The following BAALC variants were observed in gnomAD, a reference collection of about 807,000 sequenced individuals.
BAALC encodes brain and acute leukemia cytoplasmic protein.
In BAALC, 9 loss-of-function variants were observed where a neutral mutation model predicts 15.5. The ratio of observed to expected loss-of-function variants is 0.58; its 90% CI spans 0.35 to 1.02. The LOEUF (loss-of-function observed/expected upper bound fraction) is 1.02, where lower values mean the gene tolerates loss of function less well. Among genes scored for constraint, BAALC ranks in the 50% least tolerant of loss-of-function variants. The pLI, the probability that BAALC is intolerant of heterozygous loss-of-function variation, is 0.02. For missense variants in BAALC, 201 were observed against 192.4 expected, an observed-to-expected ratio of 1.04 and a Z score of -0.27; for synonymous variants, 80 against 74.6, an observed-to-expected ratio of 1.07 and a Z score of -0.37.
chr8:103,200,216 T>C (rs1412401950), intron 1 of BAALC, among the ~76,000 whole-genome samples: 1 of 152,086 alleles, frequency 6.6e-6, no homozygotes, highest in African/African-American at 2.4e-5. Flanking sequence ...GCTGGTGAGG[T>C]TGTGGAGAAA....
chr8:103,217,760 G>A (rs1326177465), intron 2 of BAALC, among the ~76,000 whole-genome samples: 1 of 152,156 alleles, frequency 6.6e-6, no homozygotes, highest in Non-Finnish European at 1.5e-5. Flanking sequence ...TATGTGAAAG[G>A]CAATCCTTGC....
At chr8:103,141,388 A>C in intron 1 of BAALC, 2 of 257,466 alleles carry the variant, frequency 7.8e-6, no homozygotes, top group Non-Finnish European at 1.5e-5. Context: ...TCAGCCACCC[A>C]CCCCCTGATC....
At chr8:103,150,605 C>T (rs1015207738) in intron 1 of BAALC, among the ~76,000 whole-genome samples, 10 of 152,194 alleles carry the variant, frequency 6.6e-5, no homozygotes, top group African/African-American at 2.2e-4. Context: ...CTTAATCTAA[C>T]ACAATCTGCT....
intron 1 of BAALC, among the ~76,000 whole-genome samples, chr8:103,144,285 C>T (rs1810838571): frequency 6.6e-6 from 1 of 152,166 alleles, no homozygotes; most frequent in African/African-American, 2.4e-5. Flanking sequence ...GATCCTGAGC[C>T]TGTGGTTCCT....
chr8:103,160,462 T>G (rs1416766379), intron 1 of BAALC, among the ~76,000 whole-genome samples: 1 of 152,202 alleles, frequency 6.6e-6, no homozygotes, highest in Non-Finnish European at 1.5e-5. Context: ...TTTTCCTGCC[T>G]CAGTGTGATT....
At chr8:103,206,082 T>C (rs368639671) in intron 1 of BAALC, among the ~76,000 whole-genome samples, 8 of 152,230 alleles carry the variant, frequency 5.3e-5, no homozygotes, top group Admixed American at 5.2e-4. Flanking sequence ...GTGGCAGCAG[T>C]GCTGAGGGCA....
intron 1 of BAALC, chr8:103,183,333 C>T (rs1443171997): frequency 1.4e-6 from 1 of 702,890 alleles, no homozygotes; most frequent in Admixed American, 2.0e-5. Context: ...CTAACCACTT[C>T]CACTGTTCTT....
chr8:103,168,524 T>A (rs1244167748), intron 1 of BAALC, among the ~76,000 whole-genome samples: 1 of 149,512 alleles, frequency 6.7e-6, no homozygotes, highest in African/African-American at 2.5e-5. Flanking sequence ...TTTTTTTTTT[T>A]AATGTGAATG....
intron 1 of BAALC, among the ~76,000 whole-genome samples, chr8:103,171,401 G>GAGGAAGGAAGT: frequency 7.4e-6 from 1 of 134,458 alleles, no homozygotes; most frequent in African/African-American, 2.8e-5. Context: ...AGGAAGGAAG[G>GAGGAAGGAAGT]AAAGAAAGAA....
intron 1 of BAALC, among the ~76,000 whole-genome samples, chr8:103,157,844 G>A (rs182895492): frequency 6.6e-6 from 1 of 152,038 alleles, no homozygotes; most frequent in East Asian, 1.9e-4. Flanking sequence ...ATATTGGATT[G>A]GACTATATTA....
intron 1 of BAALC, among the ~76,000 whole-genome samples, chr8:103,195,437 TC>T (rs1340773588): frequency 6.6e-6 from 1 of 152,154 alleles, no homozygotes; most frequent in Non-Finnish European, 1.5e-5. Context: ...GCTCATAACT[TC>T]ATGAGGAATC....
At chr8:103,162,059 C>T (rs1279762221) in intron 1 of BAALC, among the ~76,000 whole-genome samples, 3 of 152,150 alleles carry the variant, frequency 2.0e-5, no homozygotes, top group Non-Finnish European at 4.4e-5. Flanking sequence ...CTCCTAGTCT[C>T]AAGCAGTTTT....
At chr8:103,170,235 C>CTT (rs35384925) in intron 1 of BAALC, among the ~76,000 whole-genome samples, 1,733 of 140,448 alleles carry the variant, frequency 0.012, 37 homozygotes, top group African/African-American at 0.044. Context: ...TTCAATGAGC[C>CTT]TTTTTTTTTT....
At chr8:103,149,029 G>A (rs1462117352) in intron 1 of BAALC, among the ~76,000 whole-genome samples, 1 of 152,202 alleles carries the variant, frequency 6.6e-6, no homozygotes, top group Non-Finnish European at 1.5e-5. Context: ...CAGATGAGGA[G>A]CTGGGATTCA....
At chr8:103,222,146 C>T (rs1021603804) in intron 2 of BAALC, among the ~76,000 whole-genome samples, 7 of 151,986 alleles carry the variant, frequency 4.6e-5, no homozygotes, top group African/African-American at 1.7e-4. Flanking sequence ...ATTGTGGAGA[C>T]CAAGTTTTAT....
At chr8:103,209,171 A>G (rs1487592013) in intron 1 of BAALC, among the ~76,000 whole-genome samples, 1 of 152,270 alleles carries the variant, frequency 6.6e-6, no homozygotes, top group African/African-American at 2.4e-5. Flanking sequence ...CAGGAGTTTG[A>G]GACCAGCCTA....
chr8:103,209,373 A>T (rs1420286592), intron 1 of BAALC, among the ~76,000 whole-genome samples: 1 of 152,104 alleles, frequency 6.6e-6, no homozygotes. Context: ...CTCCATCTGA[A>T]AAAAAACAAG....
chr8:103,161,855 GC>G (rs1374004474), intron 1 of BAALC, among the ~76,000 whole-genome samples: 3 of 152,098 alleles, frequency 2.0e-5, no homozygotes, highest in South Asian at 2.1e-4. Context: ...GTTTTAGTGT[GC>G]CCTCTAAGAA....
Position 103,228,324 on chromosome 8 carries a change from A to C in BAALC, c.*225A>C. 1 of 456,132 alleles carries C rather than the reference A, an allele frequency of 2.2e-6. No individual in the cohort carries two copies. Among genetic ancestry groups the C allele is most frequent in the Non-Finnish European group, 3.9e-6 (1 of 256,940 alleles). The allele number at this position is 456,132 out of a possible 1,614,324, so 28.3% of individuals were successfully genotyped here. ...TATTGGCACAGTGCTTACATATGTT[A>C]ATAAACTGCAAATGTGCAGTTCAGT... is the stretch of plus-strand genomic sequence containing the variant. On this transcript the variant is annotated 3_prime_UTR_variant, in exon 3 of 3. Transcript: ENST00000309982.
Sources: allele counts gnomAD v4.1 joint callset (sites outside exome capture counted in the v4.1 genomes callset), GRCh38; gene constraint gnomAD v4.1.1; transcripts MANE v1.5; gene names NCBI Gene and HGNC (gene_info 2026-07-23, HGNC 2026-07-21).